FHIT: variants seen among roughly 807,000 people sequenced by gnomAD.
FHIT encodes the protein fragile histidine triad diadenosine triphosphatase.
FHIT carries 19 observed loss-of-function variants against 17.9 expected under a neutral mutation model. The ratio of observed to expected loss-of-function variants is 1.06; its 90% confidence interval spans 0.74 to 1.56. The LOEUF (loss-of-function observed/expected upper bound fraction) is 1.56, where lower values mean the gene tolerates loss of function less well. Ranked by LOEUF, FHIT falls within the 40% of genes most tolerant of loss-of-function variation. The pLI is 0.00. For missense variants in FHIT, 248 were observed against 189.2 expected (o/e 1.31, Z -1.82); for synonymous variants, 81 against 69.7 (o/e 1.16, Z -0.81).
chr3:60,043,785 A>G (rs1575962843), intron 5 of FHIT, among the ~76,000 whole-genome samples: 2 of 152,214 alleles, frequency 1.3e-5, no homozygotes, highest in Non-Finnish European at 2.9e-5. Flanking sequence ...TCCATCAGTG[A>G]CATAACATAT....
At chr3:60,216,978 C>T (rs1576322857) in intron 5 of FHIT, among the ~76,000 whole-genome samples, 2 of 152,232 alleles carry the variant, frequency 1.3e-5, no homozygotes, top group Admixed American at 1.3e-4. Context: ...AACTACCCAG[C>T]TCCGAGAATA....
chr3:59,789,378 G>A (rs971122977), intron 8 of FHIT, among the ~76,000 whole-genome samples: 1 of 152,078 alleles, frequency 6.6e-6, no homozygotes, highest in African/African-American at 2.4e-5. Flanking sequence ...AAATTAAAAT[G>A]GTTTCTACTG....
At chr3:60,971,227 G>A (rs564257182) in intron 3 of FHIT, among the ~76,000 whole-genome samples, 17 of 152,048 alleles carry the variant, frequency 1.1e-4, no homozygotes, top group Non-Finnish European at 2.2e-4. Flanking sequence ...AAAGTTAGCC[G>A]AGCATGGTGG....
chr3:60,050,604 C>T (rs1701832458), intron 5 of FHIT, among the ~76,000 whole-genome samples: 1 of 152,028 alleles, frequency 6.6e-6, no homozygotes, highest in Non-Finnish European at 1.5e-5. Flanking sequence ...TTCATGTATC[C>T]TTATGCAGTC....
rs2039277622 is a variant in FHIT at position 61,207,329 on chromosome 3, C to T, written c.-212-6664G>A. Reference sequence around the variant, plus strand: ...GCTTTGGTATCAGGATGATGCTGGCCTCATAAAATGAGTTAGGGAGGATTT... The same window carrying T: ...GCTTTGGTATCAGGATGATGCTGGCTTCATAAAATGAGTTAGGGAGGATTT... On this transcript the variant is annotated intron_variant, in intron 1 of 9. Coordinates refer to ENST00000492590, the MANE Select transcript of FHIT (RefSeq NM_002012.4). 2.0e-5 allele frequency among the ~76,000 whole-genome samples: 3 copies of T among 152,096 alleles called. No individual in the cohort carries two copies. The South Asian group carries it at 6.2e-4, about 31-fold the overall frequency.
chr3:60,994,894 T>C (rs1454725162), intron 3 of FHIT, among the ~76,000 whole-genome samples: 1 of 152,162 alleles, frequency 6.6e-6, no homozygotes. Flanking sequence ...GGAATAATAA[T>C]GGTACAGTGT....
intron 3 of FHIT, among the ~76,000 whole-genome samples, chr3:60,954,719 T>C (rs901285777): frequency 6.6e-6 from 1 of 152,160 alleles, no homozygotes; most frequent in African/African-American, 2.4e-5. Flanking sequence ...GCAAATTGGA[T>C]AATACCCAGA....
At chr3:61,184,927 A>G (rs930008784) in intron 2 of FHIT, among the ~76,000 whole-genome samples, 2 of 152,318 alleles carry the variant, frequency 1.3e-5, no homozygotes, top group Middle Eastern at 3.4e-3. Flanking sequence ...AAAGAACGGC[A>G]CATTTCCCTA....
At chr3:60,365,301 G>A (rs1309223886) in intron 5 of FHIT, among the ~76,000 whole-genome samples, 1 of 151,920 alleles carries the variant, frequency 6.6e-6, no homozygotes, top group African/African-American at 2.4e-5. Flanking sequence ...GATATACTTT[G>A]AATGTAAGGT....
rs957396984 is a variant in FHIT at position 60,106,427 on chromosome 3, A to G, written c.104-92275T>C. Among the ~76,000 whole-genome samples, 16 of 152,344 alleles carry G rather than the reference A, an allele frequency of 1.1e-4. 1 individual carries two copies. The East Asian group carries it at 2.9e-3, about 28-fold the overall frequency. ...TTTTGCTCTCACACCTCAAACCGCA[A>G]AAGTTTCAACCACAGTTCATGATAA... On this transcript the variant is annotated intron_variant, in intron 5 of 9. Transcript: ENST00000492590.
chr3:61,058,820 C>T (rs538458876), intron 2 of FHIT, among the ~76,000 whole-genome samples: 1 of 152,278 alleles, frequency 6.6e-6, no homozygotes, highest in African/African-American at 2.4e-5. Context: ...ATGGTAGGTA[C>T]CATTATTGTC....
chr3:59,751,585 A>C (rs1019919523), intron 9 of FHIT: 7 of 194,376 alleles, frequency 3.6e-5, no homozygotes, highest in Non-Finnish European at 7.3e-5. Flanking sequence ...GGCTATAGCT[A>C]TCTTTCTACC....
chr3:59,868,056 A>C (rs918446117), intron 8 of FHIT, among the ~76,000 whole-genome samples: 1 of 151,216 alleles, frequency 6.6e-6, no homozygotes, highest in Non-Finnish European at 1.5e-5. Flanking sequence ...TTAAAAAAAA[A>C]AAAAAAAAAA....
intron 4 of FHIT, among the ~76,000 whole-genome samples, chr3:60,545,662 T>A (rs1173931237): frequency 6.6e-6 from 1 of 152,242 alleles, no homozygotes; most frequent in Admixed American, 6.5e-5. Flanking sequence ...ATGTTTTTGC[T>A]ATCTTTTTGT....
chr3:59,769,177 C>T (rs74867393), intron 8 of FHIT, among the ~76,000 whole-genome samples: 2,810 of 152,036 alleles, frequency 0.018, 67 homozygotes, highest in African/African-American at 0.062. Context: ...GATAGAAGAT[C>T]AACAAGGAAG....
intron 7 of FHIT, among the ~76,000 whole-genome samples, chr3:60,003,858 C>CATT (rs367831412): frequency 6.9e-6 from 1 of 144,996 alleles, no homozygotes; most frequent in African/African-American, 2.6e-5. Flanking sequence ...ATTTATTTTA[C>CATT]TTTTTTTTTT....
intron 2 of FHIT, among the ~76,000 whole-genome samples, chr3:61,060,669 T>C (rs2034395259): frequency 6.6e-6 from 1 of 152,264 alleles, no homozygotes; most frequent in Non-Finnish European, 1.5e-5. Flanking sequence ...GTGTGACTAA[T>C]GACTGAGACT....
At chr3:61,234,075 A>G (rs1458481798) in intron 1 of FHIT, among the ~76,000 whole-genome samples, 1 of 152,202 alleles carries the variant, frequency 6.6e-6, no homozygotes, top group Non-Finnish European at 1.5e-5. Context: ...TTCTTTGATC[A>G]ACCAGCAGAA....
At chr3:59,972,756 T>C (rs1042833327) in intron 7 of FHIT, among the ~76,000 whole-genome samples, 1 of 152,164 alleles carries the variant, frequency 6.6e-6, no homozygotes, top group African/African-American at 2.4e-5. Context: ...TCTTGTCTTA[T>C]TCAGTACAGG....
Sources: gnomAD v4.1 joint callset for allele counts (sites outside exome capture counted in the v4.1 genomes callset) on GRCh38, gnomAD v4.1.1 for gene constraint, MANE v1.5 for transcripts, NCBI Gene and HGNC (gene_info 2026-07-23, HGNC 2026-07-21) for gene names.